The following SND1 variants were observed in gnomAD, a reference collection of about 807,000 sequenced individuals.
SND1 encodes staphylococcal nuclease domain-containing protein 1.
A neutral mutation model predicts 121.7 loss-of-function variants in SND1; 38 were observed. The ratio of observed to expected loss-of-function variants is 0.31; its 90% CI spans 0.24 to 0.41. The LOEUF is 0.41. Among genes scored for constraint, SND1 ranks in the 10% least tolerant of loss-of-function variants. The pLI, the probability that SND1 is intolerant of heterozygous loss-of-function variation, is 1.00. For synonymous variants in SND1, 401 were observed against 447.4 expected (o/e 0.90, Z 1.31); for missense variants, 868 against 1,184.6 (o/e 0.73, Z 3.92).
At chr7:127,756,861 T>C (rs188378421) in intron 10 of SND1, among the ~76,000 whole-genome samples, 4 of 152,342 alleles carry the variant, frequency 2.6e-5, no homozygotes, top group Admixed American at 6.5e-5. Flanking sequence ...AATAAAAATA[T>C]TATTTGTTTA....
chr7:127,698,897 A>G lies in SND1; in HGVS notation c.372A>G (p.Ala124=), dbSNP rs376451633. The change falls in exon 4 of 24, where the codon GCA becomes GCG. Residue 124 remains alanine (A), a synonymous_variant. Coordinates refer to ENST00000354725, the MANE Select transcript of SND1 (RefSeq NM_014390.4). ...CAGATACCAATGGGGAAAACATTGCAGAATCACTGGTTGCAGAGGGCTTAG... is the reference window on the plus strand; with the variant it reads ...CAGATACCAATGGGGAAAACATTGCGGAATCACTGGTTGCAGAGGGCTTAG... The part of the protein sequence containing the change: ...LGKDTNGENI[A]ESLVAEGLAT... 7.4e-5 allele frequency: 120 copies of G among 1,613,676 alleles called. No homozygotes were observed. Among genetic ancestry groups the G allele is most frequent in the Non-Finnish European group, 9.3e-5 (110 of 1,179,756 alleles).
chr7:127,652,699 C>T (rs1562968070), intron 1 of SND1, among the ~76,000 whole-genome samples: 1 of 152,250 alleles, frequency 6.6e-6, no homozygotes, highest in African/African-American at 2.4e-5. Flanking sequence ...ATTCGGATCT[C>T]CTGTCTGTTT....
intron 11 of SND1, among the ~76,000 whole-genome samples, chr7:127,818,498 C>T (rs935139610): frequency 6.6e-6 from 1 of 152,184 alleles, no homozygotes; most frequent in Non-Finnish European, 1.5e-5. Context: ...GTTGATGGAC[C>T]TTGACTGAAC....
intron 11 of SND1, among the ~76,000 whole-genome samples, chr7:127,831,904 T>C (rs1188394116): frequency 7.4e-6 from 1 of 135,728 alleles, no homozygotes; most frequent in Non-Finnish European, 1.7e-5. Flanking sequence ...ACCTTATAAT[T>C]GCACCTTTGA....
chr7:127,881,974 T>C (rs1237054336), intron 12 of SND1, among the ~76,000 whole-genome samples: 1 of 152,126 alleles, frequency 6.6e-6, no homozygotes, highest in Non-Finnish European at 1.5e-5. Context: ...GGGCAGAGGC[T>C]GGACGCAGTG....
intron 10 of SND1, among the ~76,000 whole-genome samples, chr7:127,797,804 C>A (rs1212430485): frequency 6.6e-6 from 1 of 152,186 alleles, no homozygotes; most frequent in Non-Finnish European, 1.5e-5. Flanking sequence ...AGTGAAGGGA[C>A]CGCATATGGT....
chr7:127,704,720 A>G lies in SND1; in HGVS notation c.841-119A>G, dbSNP rs1264429276. ...AGAAGCTACTCTACTGTAAACAAACAAACAAACAAACTGCAGACTAGTTTG... is the reference window on the plus strand; with the variant it reads ...AGAAGCTACTCTACTGTAAACAAACGAACAAACAAACTGCAGACTAGTTTG... On this transcript the variant is annotated intron_variant, in intron 7 of 23. Transcript: ENST00000354725. 1.8e-5 allele frequency: 15 copies of G among 843,988 alleles called. No individual in the cohort carries two copies. The African/African-American group carries it at 2.2e-4, about 12-fold the overall frequency. 52.3% of individuals were successfully genotyped at this position (843,988 alleles called of 1,614,324 possible). A position where few individuals can be genotyped will look rare whatever the true frequency, so the allele number is the denominator to read the frequency against.
intron 10 of SND1, among the ~76,000 whole-genome samples, chr7:127,786,792 C>A (rs1379059296): frequency 6.6e-6 from 1 of 152,024 alleles, no homozygotes; most frequent in Non-Finnish European, 1.5e-5. Context: ...TACAGGCGCG[C>A]GCCACCATGC....
At chr7:127,990,791 C>G (rs1050315641) in intron 15 of SND1, among the ~76,000 whole-genome samples, 156 bp from the exon 16 acceptor site, 1 of 152,206 alleles carries the variant, frequency 6.6e-6, no homozygotes, top group African/African-American at 2.4e-5. Context: ...AACCCCTCCT[C>G]CACTTCTCCC....
At chr7:127,789,690 C>T (rs1246067233) in intron 10 of SND1, among the ~76,000 whole-genome samples, 3 of 152,218 alleles carry the variant, frequency 2.0e-5, no homozygotes, top group African/African-American at 7.2e-5. Flanking sequence ...GTTACGTGGC[C>T]ATGATAGTTC....
chr7:127,892,727 C>T (rs567188843), intron 13 of SND1, among the ~76,000 whole-genome samples: 24 of 152,156 alleles, frequency 1.6e-4, no homozygotes, highest in Middle Eastern at 3.4e-3. Flanking sequence ...TCATAGACTT[C>T]GTTGAAAAGC....
At chr7:128,091,771 A>G (rs1318089309) in intron 22 of SND1, 66 bp from the exon 23 acceptor site, 1 of 1,546,366 alleles carries the variant, frequency 6.5e-7, no homozygotes, top group Non-Finnish European at 8.9e-7. Flanking sequence ...AGCATTCTGC[A>G]GGGTCCTGCT....
chr7:127,723,023 G>A (rs1796523350), intron 10 of SND1, among the ~76,000 whole-genome samples: 1 of 152,170 alleles, frequency 6.6e-6, no homozygotes, highest in Non-Finnish European at 1.5e-5. Context: ...TTGGAATTAA[G>A]GTTCCCACAG....
At chr7:128,066,681 G>A (rs1793320816) in intron 16 of SND1, among the ~76,000 whole-genome samples, 2 of 152,222 alleles carry the variant, frequency 1.3e-5, no homozygotes, top group Admixed American at 6.5e-5. Flanking sequence ...GTGACCGGGA[G>A]TGGAGGGGAT....
chr7:127,666,819 T>TG (rs1795428619), intron 1 of SND1, among the ~76,000 whole-genome samples: 2 of 152,274 alleles, frequency 1.3e-5, no homozygotes, highest in Admixed American at 1.3e-4. Context: ...GGGAAGGGCC[T>TG]GGGACACTGG....
Position 128,016,615 on chromosome 7 carries a change from G to A in SND1, c.1779+25559G>A, listed in dbSNP as rs572168179. ...GTGTTTGCCCTCTTCTCTCCAATTC[G>A]GTAAGGAAGAAAGCTCCTTTACCAA... On this transcript the variant is annotated intron_variant, in intron 16 of 23. Coordinates refer to ENST00000354725, the MANE Select transcript of SND1 (RefSeq NM_014390.4). Among the ~76,000 whole-genome samples, 27 of 152,268 alleles carry A rather than the reference G, an allele frequency of 1.8e-4. No individual in the cohort carries two copies. In the East Asian group the frequency reaches 2.1e-3, roughly 12 times the overall value.
chr7:127,930,242 G>A (rs1347341120), intron 15 of SND1, among the ~76,000 whole-genome samples: 1 of 151,720 alleles, frequency 6.6e-6, no homozygotes, highest in Non-Finnish European at 1.5e-5. Context: ...TTTTTTGCTA[G>A]TGTCCTGTTG....
intron 11 of SND1, among the ~76,000 whole-genome samples, chr7:127,828,114 A>C (rs893876038): frequency 6.6e-6 from 1 of 152,124 alleles, no homozygotes; most frequent in Non-Finnish European, 1.5e-5. Flanking sequence ...CTTCTGCCTC[A>C]GCCTCCCAAG....
chr7:127,899,028 TAATC>T (rs1197613942), intron 13 of SND1, among the ~76,000 whole-genome samples: 2 of 152,204 alleles, frequency 1.3e-5, no homozygotes, highest in African/African-American at 2.4e-5. Context: ...TGTTCCGCAT[TAATC>T]AGTCAGTTAC....
Sources: allele counts gnomAD v4.1 joint callset (sites outside exome capture counted in the v4.1 genomes callset), GRCh38; gene constraint gnomAD v4.1.1; transcripts MANE v1.5; gene names NCBI Gene and HGNC (gene_info 2026-07-23, HGNC 2026-07-21).